The following PLG variants were observed in gnomAD, a reference collection of about 807,000 sequenced individuals.
PLG encodes the protein plasmin.
A neutral mutation model predicts 104.4 loss-of-function variants in PLG; 41 were observed. The ratio of observed to expected loss-of-function variants is 0.39; its 90% confidence interval spans 0.31 to 0.51. The LOEUF (loss-of-function observed/expected upper bound fraction) is 0.51. Ranked by LOEUF, PLG falls within the 20% of genes least tolerant of loss-of-function variation. PLG has a pLI of 0.76. For synonymous variants in PLG, 337 were observed against 357.1 expected (o/e 0.94, Z 0.63); for missense variants, 891 against 1,003.6 (o/e 0.89, Z 1.52).
At chr6:160,750,216 C>T (rs1778379904) in intron 17 of PLG, among the ~76,000 whole-genome samples, 1 of 152,112 alleles carries the variant, frequency 6.6e-6, no homozygotes, top group Non-Finnish European at 1.5e-5. Context: ...GGGGTTTTTC[C>T]AGGTCAGCCA....
intron 17 of PLG, among the ~76,000 whole-genome samples, chr6:160,748,923 G>A (rs78073094): frequency 2.8e-4 from 42 of 152,246 alleles, no homozygotes; most frequent in African/African-American, 9.9e-4. Context: ...CCCTAAACCC[G>A]TCACTGATTA....
intron 6 of PLG, among the ~76,000 whole-genome samples, chr6:160,715,593 AT>A (rs1018081090): frequency 3.9e-5 from 6 of 152,290 alleles, no homozygotes; most frequent in African/African-American, 1.4e-4. Context: ...AACACCTCCC[AT>A]TCCACAGTCG....
chr6:160,727,398 G>A (rs537665229), intron 10 of PLG, among the ~76,000 whole-genome samples: 37 of 149,394 alleles, frequency 2.5e-4, no homozygotes, highest in Non-Finnish European at 4.5e-4. Context: ...AATTCTTCAC[G>A]ATCTGTTACA....
chr6:160,743,451 C>G lies in PLG; in HGVS notation c.2125+2034C>G, dbSNP rs1778228333. 1.3e-5 allele frequency among the ~76,000 whole-genome samples: 2 copies of G among 152,068 alleles called. 1 individual carries two copies. The highest frequency in any genetic ancestry group is 4.8e-5 in the African/African-American group (2 of 41,408). On this transcript the variant is annotated intron_variant, in intron 17 of 18. Coordinates refer to ENST00000308192, the MANE Select transcript of PLG (RefSeq NM_000301.5). ...GAATGGGACTGTGTTCCTGATTTGC[C>G]TCTGGGCTTGGCTGTTGTTGGTGTA...
rs752960834 is a variant in PLG, at chr6:160,718,275, C to A, written c.788-19C>A. 3 of 1,605,082 alleles carry A rather than the reference C, an allele frequency of 1.9e-6. No individual in the cohort carries two copies. Among genetic ancestry groups the A allele is most frequent in the East Asian group, 4.5e-5 (2 of 44,830 alleles). On this transcript the variant is annotated intron_variant, in intron 7 of 18. Coordinates refer to ENST00000308192, the MANE Select transcript of PLG (RefSeq NM_000301.5). ...CAAAAAATATATATATTCATTGTAA[C>A]TTATTTTGCCCATTCAAGCAACACC...
chr6:160,702,793 G>A (rs1408458227), intron 1 of PLG, among the ~76,000 whole-genome samples: 1 of 152,204 alleles, frequency 6.6e-6, no homozygotes, highest in East Asian at 1.9e-4. Flanking sequence ...AGTTCATGGT[G>A]GCGGCAGGGT....
intron 1 of PLG, 23 bp from the exon 2 acceptor site, chr6:160,706,384 C>G: frequency 1.2e-6 from 2 of 1,611,698 alleles, no homozygotes; most frequent in South Asian, 2.2e-5. Context: ...ACCATTTATT[C>G]CACTTGGATC....
intron 17 of PLG, among the ~76,000 whole-genome samples, chr6:160,749,567 CCAT>C (rs754730191): frequency 6.0e-5 from 9 of 149,672 alleles, no homozygotes; most frequent in Non-Finnish European, 8.9e-5. Context: ...TCATTATCAA[CCAT>C]CATCACCACC....
chr6:160,707,232 A>T (rs4252072), intron 2 of PLG, among the ~76,000 whole-genome samples: 40,883 of 151,848 alleles, frequency 0.27, 5,839 homozygotes, highest in Middle Eastern at 0.46. Context: ...TAGCTATGGA[A>T]TCCAGACTGA....
chr6:160,717,091 A>G (rs1214479593), intron 7 of PLG, among the ~76,000 whole-genome samples: 4 of 152,006 alleles, frequency 2.6e-5, no homozygotes, highest in Non-Finnish European at 5.9e-5. Flanking sequence ...TCTCTGACAC[A>G]TGGATTTCAT....
Position 160,736,357 on chromosome 6 carries a change from G to A in PLG, c.1682-530G>A. On this transcript the variant is annotated intron_variant, in intron 13 of 18. Transcript: ENST00000308192. This position sits in a 1 kb window ranked among gnomAD's most constrained non-coding sequence, Gnocchi z 5.2. ...GACAGAAGGCAACATTTCAACTTAG[G>A]ACAGTAATCCTTGCTACATACAATC... is the stretch of plus-strand genomic sequence containing the variant. 6.6e-6 allele frequency among the ~76,000 whole-genome samples: 1 copy of A among 152,150 alleles called. No homozygotes were observed. Among genetic ancestry groups the A allele is most frequent in the South Asian group, 2.1e-4 (1 of 4,822 alleles).
chr6:160,710,788 A>G (rs894312790), intron 3 of PLG, among the ~76,000 whole-genome samples: 1 of 152,188 alleles, frequency 6.6e-6, no homozygotes, highest in African/African-American at 2.4e-5. Context: ...TGATTCCACT[A>G]GAATGTAAGC....
intron 5 of PLG, among the ~76,000 whole-genome samples, chr6:160,713,687 G>A (rs1345208263): frequency 6.6e-6 from 1 of 152,058 alleles, no homozygotes; most frequent in Non-Finnish European, 1.5e-5. Context: ...CCCCAAGACA[G>A]GTTTGCAATT....
chr6:160,705,116 C>T (rs1358184069), intron 1 of PLG, among the ~76,000 whole-genome samples: 2 of 152,178 alleles, frequency 1.3e-5, no homozygotes, highest in African/African-American at 4.8e-5. Context: ...TCAAGGTTGT[C>T]CTGTTGTCTA....
At chr6:160,709,486 T>G (rs1483668784) in intron 3 of PLG, among the ~76,000 whole-genome samples, 2 of 152,184 alleles carry the variant, frequency 1.3e-5, no homozygotes, top group Admixed American at 1.3e-4. Context: ...CCAGCATTAT[T>G]TAAGTAACCC....
At chr6:160,705,020 T>C (rs553017835) in intron 1 of PLG, among the ~76,000 whole-genome samples, 1 of 152,270 alleles carries the variant, frequency 6.6e-6, no homozygotes, top group South Asian at 2.1e-4. Flanking sequence ...GCCAGGCTTG[T>C]CTCCTGCTGC....
chr6:160,704,167 G>T (rs959358491), intron 1 of PLG, among the ~76,000 whole-genome samples: 8 of 152,122 alleles, frequency 5.3e-5, no homozygotes, highest in Non-Finnish European at 1.0e-4. Context: ...ATGTTTCCTT[G>T]CCAGCAAATA....
At chr6:160,720,621 T>A (rs564908878) in intron 9 of PLG, among the ~76,000 whole-genome samples, 2 of 152,232 alleles carry the variant, frequency 1.3e-5, no homozygotes, top group Non-Finnish European at 2.9e-5. Context: ...AGTTTCGCCA[T>A]GTTGGCCAGA....
rs978720852 is a variant in PLG at position 160,707,794 on chromosome 6, T to C, written c.280T>C (p.Phe94Leu). The change falls in exon 3 of 19, where the codon TTT becomes CTT. Residue 94 changes from phenylalanine (F) to leucine (L), a missense_variant. Coordinates refer to ENST00000308192, the MANE Select transcript of PLG (RefSeq NM_000301.5). The stretch of plus-strand genomic sequence containing the variant: ...CATTAGGATGAGAGATGTAGTTTTA[T>C]TTGAAAAGAAAGGTGAGTACATTTT... ...IIIRMRDVVL[F>L]EKKVYLSECK... The C allele has an allele frequency of 1.9e-6, 3 of 1,611,142 alleles. No homozygotes were observed. The African/African-American group carries it at 4.0e-5, about 21-fold the overall frequency.
Sources: gnomAD v4.1 joint callset for allele counts (sites outside exome capture counted in the v4.1 genomes callset) on GRCh38, gnomAD v4.1.1 for gene constraint, Gnocchi (gnomAD v3.1) non-coding constraint, MANE v1.5 for transcripts, NCBI Gene and HGNC (gene_info 2026-07-23, HGNC 2026-07-21) for gene names.